The following TG variants were observed in gnomAD, a reference collection of about 807,000 sequenced individuals.
TG encodes the protein thyroid hormones.
A neutral mutation model predicts 324.7 loss-of-function variants in TG; 270 were observed. The ratio of observed to expected loss-of-function variants is 0.83; its 90% CI spans 0.75 to 0.92. The LOEUF is 0.92. Among genes scored for constraint, TG ranks in the 40% least tolerant of loss-of-function variants. The pLI is 0.00. For missense variants in TG, 3,591 were observed against 3,456.4 expected (o/e 1.04, Z -0.98); for synonymous variants, 1,401 against 1,327.0 (o/e 1.06, Z -1.21).
chr8:132,913,155 G>A lies in TG; in HGVS notation c.4268G>A (p.Arg1423His), dbSNP rs146594373. The A allele has an allele frequency of 4.5e-5, 73 of 1,614,004 alleles. No individual in the cohort carries two copies. Among genetic ancestry groups the A allele is most frequent in the East Asian group, 3.6e-4 (16 of 44,870 alleles). Residue 1423 changes from arginine (R) to histidine (H), a missense_variant, in exon 20 of 48, where the codon CGC (arginine) becomes CAC (histidine). Arg to His is a conservative substitution (Grantham distance 29). Transcript: ENST00000220616. ...DSKTFPAETI[R>H]FLQGDHFGTS... ...AAGACGTTCCCAGCGGAAACCATCCGCTTCCTCCAAGGGGACCACTTTGGC... is the reference window on the plus strand; with the variant it reads ...AAGACGTTCCCAGCGGAAACCATCCACTTCCTCCAAGGGGACCACTTTGGC...
At chr8:133,109,068 G>A (rs1850059423) in intron 43 of TG, among the ~76,000 whole-genome samples, 1 of 152,160 alleles carries the variant, frequency 6.6e-6, no homozygotes, top group South Asian at 2.1e-4. Flanking sequence ...AATTTACTCG[G>A]GGTCCTGGAA....
intron 41 of TG, among the ~76,000 whole-genome samples, chr8:133,061,548 G>A (rs2131339043): frequency 6.6e-6 from 1 of 152,310 alleles, no homozygotes. Context: ...TTTTAGGGAA[G>A]CCACGTTCCC....
Position 133,060,604 on chromosome 8 carries a change from T to C in TG, c.7239+30581T>C, listed in dbSNP as rs549114535. Among the ~76,000 whole-genome samples the C allele has an allele frequency of 4.6e-4, 70 of 152,260 alleles. 1 individual carries two copies. The highest frequency in any genetic ancestry group is 1.7e-3 in the African/African-American group (70 of 41,548). Reference sequence around the variant, plus strand: ...CCAGGAATTTGGAGTACAGGAGTTGTGTGTCTGTACAACCAAAGGCATGAG... The same window carrying C: ...CCAGGAATTTGGAGTACAGGAGTTGCGTGTCTGTACAACCAAAGGCATGAG... On this transcript the variant is annotated intron_variant, in intron 41 of 47. Transcript: ENST00000220616.
At chr8:132,984,323 A>G (rs1831261679) in intron 35 of TG, among the ~76,000 whole-genome samples, 1 of 152,224 alleles carries the variant, frequency 6.6e-6, no homozygotes, top group Admixed American at 6.5e-5. Flanking sequence ...TTTTACTCAT[A>G]TATGTTATTA....
Position 133,011,973 on chromosome 8 carries a change from T to G in TG, c.6335T>G (p.Val2112Gly). The G allele has an allele frequency of 6.2e-7, 1 of 1,614,244 alleles. No homozygotes were observed. The highest frequency in any genetic ancestry group is 8.5e-7 in the Non-Finnish European group (1 of 1,180,052). ...VVDPSIRHFD[V>G]AHVSTAATSN... ...GATCCATCCATTAGGCACTTTGATGTTGCCCATGTCAGCACTGCTGCCACC... is the reference window on the plus strand; with the variant it reads ...GATCCATCCATTAGGCACTTTGATGGTGCCCATGTCAGCACTGCTGCCACC... The change falls in exon 36 of 48, where the codon GTT becomes GGT. Residue 2112 changes from valine to glycine, a missense_variant. Transcript: ENST00000220616.
At chr8:133,074,828 T>C in intron 41 of TG, 1 of 984,942 alleles carries the variant, frequency 1.0e-6, no homozygotes, top group Non-Finnish European at 1.2e-6. Flanking sequence ...CCCCACCCCA[T>C]CTCTGCCACA....
intron 41 of TG, chr8:133,074,802 A>C: frequency 1.0e-6 from 1 of 956,208 alleles, no homozygotes. Flanking sequence ...CGTGTTGAAG[A>C]GGCCCTGAAG....
intron 28 of TG, among the ~76,000 whole-genome samples, chr8:132,962,046 A>G (rs555946947): frequency 6.6e-6 from 1 of 152,238 alleles, no homozygotes; most frequent in East Asian, 1.9e-4. Context: ...GCAATAATAC[A>G]TCAATGCACA....
chr8:132,935,996 T>A (rs2250927), intron 25 of TG, 132 bp downstream of exon 25: 28 of 733,728 alleles, frequency 3.8e-5, no homozygotes, highest in Non-Finnish European at 6.3e-5. Context: ...TCAGTCTGGC[T>A]TCTCTGAGCT....
chr8:132,994,847 G>A, intron 35 of TG: 2 of 1,268,926 alleles, frequency 1.6e-6, no homozygotes, highest in Non-Finnish European at 2.0e-6. Flanking sequence ...GTCAGATGAT[G>A]GAAAGCATTG....
intron 37 of TG, 69 bp from the exon 38 acceptor site, chr8:133,017,709 T>C: frequency 7.0e-7 from 1 of 1,426,854 alleles, no homozygotes; most frequent in Non-Finnish European, 9.9e-7. Context: ...ACATTCAGAA[T>C]GCCAGTGGAG....
In TG at chr8:133,017,381, C is replaced by T. The variant is rs537054421; in HGVS notation, c.6563-397C>T. On this transcript the variant is annotated intron_variant, in intron 37 of 47. Transcript: ENST00000220616. Reference sequence around the variant, plus strand: ...CAGGATGAGTAACCCACACATCTCACCACAGAAATGTTGGCTGTGTTTAAA... The same window carrying T: ...CAGGATGAGTAACCCACACATCTCATCACAGAAATGTTGGCTGTGTTTAAA... Among the ~76,000 whole-genome samples the T allele has an allele frequency of 3.3e-5, 5 of 151,820 alleles. No individual in the cohort carries two copies. In the East Asian group the frequency reaches 9.7e-4, roughly 30 times the overall value.
chr8:132,918,946 A>G (rs1780672065), intron 20 of TG, among the ~76,000 whole-genome samples: 1 of 152,230 alleles, frequency 6.6e-6, no homozygotes, highest in Admixed American at 6.5e-5. Context: ...GGTGTGATGT[A>G]TTAATGTATG....
chr8:132,877,221 C>A (rs1408002514), intron 5 of TG, among the ~76,000 whole-genome samples: 4 of 152,142 alleles, frequency 2.6e-5, no homozygotes, highest in African/African-American at 7.2e-5. Context: ...CTCACTGCAA[C>A]CTCTGCCTCC....
At chr8:132,891,127 T>C (rs975607927) in intron 10 of TG, among the ~76,000 whole-genome samples, 9 of 150,850 alleles carry the variant, frequency 6.0e-5, no homozygotes, top group African/African-American at 2.0e-4. Flanking sequence ...TCATTGAAGA[T>C]TGGGGTAAAG....
At chr8:133,119,188 A>G (rs1335535549) in intron 45 of TG, among the ~76,000 whole-genome samples, 1 of 152,230 alleles carries the variant, frequency 6.6e-6, no homozygotes, top group Non-Finnish European at 1.5e-5. Context: ...CAGCAGCTGC[A>G]GGAAACTCAT....
At chr8:132,872,446 C>A (rs569608890) in intron 4 of TG, among the ~76,000 whole-genome samples, 2 of 143,772 alleles carry the variant, frequency 1.4e-5, no homozygotes, top group Middle Eastern at 3.7e-3. Context: ...CCACTGCACT[C>A]CAGCCTGGGC....
At chr8:132,925,925 G>C (rs1821804685) in intron 22 of TG, among the ~76,000 whole-genome samples, 1 of 152,214 alleles carries the variant, frequency 6.6e-6, no homozygotes, top group South Asian at 2.1e-4. Flanking sequence ...GCTGAGCTTT[G>C]ACAACTTTGA....
At chr8:132,987,093 C>T (rs115889617) in intron 35 of TG, among the ~76,000 whole-genome samples, 2,433 of 152,184 alleles carry the variant, frequency 0.016, 70 homozygotes, top group African/African-American at 0.056. Context: ...TGGAGCATGT[C>T]CTTTCACATA....
Sources: gnomAD v4.1 joint callset for allele counts (sites outside exome capture counted in the v4.1 genomes callset) on GRCh38, gnomAD v4.1.1 for gene constraint, MANE v1.5 for transcripts, NCBI Gene and HGNC (gene_info 2026-07-23, HGNC 2026-07-21) for gene names.